The following TSPAN18 variants were observed in gnomAD, a reference collection of about 807,000 sequenced individuals.
TSPAN18 encodes the protein tetraspanin-18.
TSPAN18 carries 14 observed loss-of-function variants against 27.3 expected under a neutral mutation model. The observed-to-expected ratio is 0.51, with a 90% CI of 0.34 to 0.80. TSPAN18 has a LOEUF of 0.80. TSPAN18 is among the 30% of genes least tolerant of loss of function. The pLI, the probability that TSPAN18 is intolerant of heterozygous loss-of-function variation, is 0.01. For missense variants in TSPAN18, 268 were observed against 323.9 expected, an observed-to-expected ratio of 0.83 and a Z score of 1.32; for synonymous variants, 143 against 136.5, an observed-to-expected ratio of 1.05 and a Z score of -0.33.
intron 2 of TSPAN18, among the ~76,000 whole-genome samples, chr11:44,805,909 A>G (rs1240015322): frequency 2.0e-5 from 3 of 152,298 alleles, no homozygotes; most frequent in East Asian, 1.9e-4. Context: ...AGACACAGTC[A>G]TTGAATTTAG....
chr11:44,930,471 C>T lies in TSPAN18; in HGVS notation c.*1293C>T, dbSNP rs111351516. 833 of 234,540 alleles carry T rather than the reference C, an allele frequency of 3.6e-3. 10 individuals carry two copies. The highest frequency in any genetic ancestry group is 0.018 in the African/African-American group (779 of 43,660). 14.5% of individuals were successfully genotyped at this position (234,540 alleles called of 1,614,324 possible). A position where few individuals can be genotyped will look rare whatever the true frequency, so the allele number is the denominator to read the frequency against. ...CATTGACTCCCCTGAGCCCTCTTCT[C>T]TCCAGGCTAAAGAATCCCGAAGGCA... On this transcript the variant is annotated 3_prime_UTR_variant, in exon 10 of 10. Coordinates refer to ENST00000520358, the MANE Select transcript of TSPAN18 (RefSeq NM_130783.5).
At chr11:44,860,881 G>T (rs1434352813) in intron 3 of TSPAN18, among the ~76,000 whole-genome samples, 1 of 152,222 alleles carries the variant, frequency 6.6e-6, no homozygotes, top group African/African-American at 2.4e-5. Context: ...AGGCTGAACT[G>T]AGGTCAGATG....
intron 2 of TSPAN18, among the ~76,000 whole-genome samples, chr11:44,765,399 G>T (rs140618218): frequency 6.6e-6 from 1 of 152,166 alleles, no homozygotes; most frequent in Non-Finnish European, 1.5e-5. Context: ...CGATGGCTCC[G>T]ACCCTTGGTG....
intron 2 of TSPAN18, among the ~76,000 whole-genome samples, chr11:44,793,362 G>A (rs1394913566): frequency 6.6e-6 from 1 of 152,124 alleles, no homozygotes; most frequent in Non-Finnish European, 1.5e-5. Flanking sequence ...AGAATCCTAG[G>A]TGCAGGAGTT....
chr11:44,889,345 T>C (rs11038186), intron 3 of TSPAN18, among the ~76,000 whole-genome samples: 23,372 of 151,714 alleles, frequency 0.15, 2,065 homozygotes, highest in Middle Eastern at 0.21. Context: ...ACCCCAGCCA[T>C]AGGCTCCAGC....
intron 2 of TSPAN18, among the ~76,000 whole-genome samples, chr11:44,784,957 A>G (rs1856021843): frequency 6.6e-6 from 1 of 152,226 alleles, no homozygotes; most frequent in African/African-American, 2.4e-5. Context: ...TGAATGCTAT[A>G]AAAATGTGGA....
chr11:44,857,057 C>G (rs1398277974), intron 2 of TSPAN18, among the ~76,000 whole-genome samples: 1 of 152,136 alleles, frequency 6.6e-6, no homozygotes, highest in East Asian at 1.9e-4. Flanking sequence ...ACGAGATACC[C>G]AGGGGCTGCA....
chr11:44,848,582 T>C (rs1008041347), intron 2 of TSPAN18, among the ~76,000 whole-genome samples: 1 of 152,060 alleles, frequency 6.6e-6, no homozygotes, highest in African/African-American at 2.4e-5. Flanking sequence ...ATAACAGGAA[T>C]TGGGAGTGAG....
chr11:44,765,689 T>A (rs958964733), intron 2 of TSPAN18, among the ~76,000 whole-genome samples: 6 of 152,230 alleles, frequency 3.9e-5, no homozygotes, highest in African/African-American at 1.4e-4. Flanking sequence ...CTGCCTGAAC[T>A]GCCATACAAT....
intron 2 of TSPAN18, among the ~76,000 whole-genome samples, chr11:44,830,421 A>G (rs1487790395): frequency 6.6e-6 from 1 of 152,240 alleles, no homozygotes; most frequent in Non-Finnish European, 1.5e-5. Context: ...GGTACTTGGC[A>G]TAAAGGTGTG....
intron 2 of TSPAN18, among the ~76,000 whole-genome samples, chr11:44,787,616 A>G (rs149430158): frequency 6.6e-6 from 1 of 152,210 alleles, no homozygotes; most frequent in African/African-American, 2.4e-5. Context: ...AATAATAACA[A>G]TCTGACTTAA....
chr11:44,807,546 A>G (rs1856626911), intron 2 of TSPAN18, among the ~76,000 whole-genome samples: 1 of 151,212 alleles, frequency 6.6e-6, no homozygotes, highest in Non-Finnish European at 1.5e-5. Context: ...AAAAAAAAAA[A>G]AAAAAGAAAA....
chr11:44,929,174 AGTAGAGG>A lies in TSPAN18; in HGVS notation c.747_*6del. The stretch of plus-strand genomic sequence containing the variant: ...GCCATGTGCCTCTTCCGGGGCATCC[AGTAGAGG>A]GTATGGCCTGAAGCCTGAAGACTCG... On this transcript the variant is annotated stop_lost and 3_prime_UTR_variant, in exon 10 of 10. Transcript: ENST00000520358. 3 of 1,613,574 alleles carry A rather than the reference AGTAGAGG, an allele frequency of 1.9e-6. No individual in the cohort carries two copies. Among genetic ancestry groups the A allele is most frequent in the Non-Finnish European group, 2.5e-6 (3 of 1,180,006 alleles).
intron 4 of TSPAN18, among the ~76,000 whole-genome samples, chr11:44,908,798 A>AGAAGGAAGGAAGGAAGGAAG (rs1564992911): frequency 8.6e-6 from 1 of 116,550 alleles, no homozygotes; most frequent in African/African-American, 3.6e-5. Context: ...AAAGAAAGAA[A>AGAAGGAAGGAAGGAAGGAAG]GAAAGAAAGA....
intron 1 of TSPAN18, among the ~76,000 whole-genome samples, chr11:44,749,633 T>TTTC (rs1855162645): frequency 1.4e-5 from 1 of 70,538 alleles, no homozygotes; most frequent in Admixed American, 2.0e-4. Context: ...TGGAACTTTC[T>TTTC]TTTTTTTTTT....
At position 44,823,781 on chromosome 11, in the gene TSPAN18, A is replaced by C. The variant is rs547268673; in HGVS notation, c.-152-36547A>C. Among the ~76,000 whole-genome samples, 50 of 152,240 alleles carry C rather than the reference A, an allele frequency of 3.3e-4. 1 individual carries two copies. Among genetic ancestry groups the C allele is most frequent in the African/African-American group, 1.2e-3 (49 of 41,540 alleles). On this transcript the variant is annotated intron_variant, in intron 2 of 9. Coordinates refer to ENST00000520358, the MANE Select transcript of TSPAN18 (RefSeq NM_130783.5). ...CCTGGCTTAGGTTTAAGGCAAAATG[A>C]ATAGAACTGATATCATCATGTTTTT...
intron 3 of TSPAN18, among the ~76,000 whole-genome samples, chr11:44,887,862 C>T (rs1858710106): frequency 6.6e-6 from 1 of 152,194 alleles, no homozygotes; most frequent in African/African-American, 2.4e-5. Context: ...AGTTCCCAGG[C>T]CCCCTTAATA....
intron 3 of TSPAN18, among the ~76,000 whole-genome samples, chr11:44,862,182 C>T (rs1303435782): frequency 6.6e-6 from 1 of 152,208 alleles, no homozygotes; most frequent in Non-Finnish European, 1.5e-5. Flanking sequence ...GTGGAAGCTC[C>T]GTCTCTGGGG....
At position 44,932,287 on chromosome 11, in the gene TSPAN18, A is replaced by AC. The variant is rs35552565; in HGVS notation, c.*3115dup. 0.31 allele frequency: 47,448 copies of AC among 151,814 alleles called. 8,352 individuals are homozygous for AC. The highest frequency in any genetic ancestry group is 0.45 in the Middle Eastern group (131 of 294). The allele number at this position is 151,814 out of a possible 1,614,324, so 9.4% of individuals were successfully genotyped here. On this transcript the variant is annotated 3_prime_UTR_variant, in exon 10 of 10. Coordinates refer to ENST00000520358, the MANE Select transcript of TSPAN18 (RefSeq NM_130783.5). The stretch of plus-strand genomic sequence containing the variant: ...ATTTATCACGTTTCTCTCCTGTGAG[A>AC]CCCCCCTTTTATATGATATATCCAG...
Sources: allele counts gnomAD v4.1 joint callset (sites outside exome capture counted in the v4.1 genomes callset), GRCh38; gene constraint gnomAD v4.1.1; transcripts MANE v1.5; gene names NCBI Gene and HGNC (gene_info 2026-07-23, HGNC 2026-07-21).